DNAH1: variants seen among roughly 807,000 people sequenced by gnomAD.
The protein encoded by DNAH1 is axonemal beta dynein heavy chain 1.
DNAH1 carries 327 observed loss-of-function variants against 484.3 expected under a neutral mutation model. That is an observed-to-expected ratio of 0.68 (90% CI 0.62 to 0.74). The LOEUF is 0.74. DNAH1 is among the 30% of genes least tolerant of loss of function. DNAH1 has a pLI of 0.00. For missense variants in DNAH1, 5,052 were observed against 5,546.8 expected (o/e 0.91, Z 2.83); for synonymous variants, 2,192 against 2,191.9 (o/e 1.00, Z 0.00).
rs970092186 is a variant in DNAH1, at chr3:52,355,384, C to G, written c.3693+329C>G. 2.6e-5 allele frequency among the ~76,000 whole-genome samples: 4 copies of G among 152,246 alleles called. No individual in the cohort carries two copies. The highest frequency in any genetic ancestry group is 6.5e-5 in the Admixed American group (1 of 15,284). ...TGCCTGAGCTTGGGACAACCAGGTC[C>G]TCCAGTACTGACACTTTCTGGGCCG... On this transcript the variant is annotated intron_variant, in intron 21 of 77. Transcript: ENST00000420323. The surrounding 1 kb of genome is among the most constrained non-coding windows in gnomAD (Gnocchi z 4.5).
At chr3:52,318,667 A>G (rs953136904) in intron 1 of DNAH1, among the ~76,000 whole-genome samples, 1 of 152,230 alleles carries the variant, frequency 6.6e-6, no homozygotes, top group South Asian at 2.1e-4. Flanking sequence ...GCTGACAGGA[A>G]AAACAGATGT....
At chr3:52,351,889 CCCCTG>C in intron 16 of DNAH1, 68 bp from the exon 17 acceptor site, 1 of 1,531,828 alleles carries the variant, frequency 6.5e-7, no homozygotes, top group Non-Finnish European at 8.8e-7. Context: ...TGGTGGGATG[CCCCTG>C]CCTGGTCTTG....
intron 16 of DNAH1, 37 bp from the exon 17 acceptor site, chr3:52,351,925 C>T (rs557032406): frequency 4.4e-5 from 69 of 1,585,542 alleles, no homozygotes; most frequent in African/African-American, 5.4e-5. Context: ...ACTTCAGCCG[C>T]GATATTTCTC....
chr3:52,319,620 G>C (rs1226120424), intron 1 of DNAH1, among the ~76,000 whole-genome samples: 2 of 152,228 alleles, frequency 1.3e-5, no homozygotes, highest in Non-Finnish European at 2.9e-5. Context: ...CAGAAGCCTT[G>C]CTGGGAGCCA....
rs1438512289 is a variant in DNAH1 at position 52,361,256 on chromosome 3, A to G, written c.4778A>G (p.Asp1593Gly). The G allele has an allele frequency of 1.2e-6, 2 of 1,612,864 alleles. No individual in the cohort carries two copies. Among genetic ancestry groups the G allele is most frequent in the African/African-American group, 2.7e-5 (2 of 74,880 alleles). ...AGTGKTETTK[D>G]LGKALAIQTV... ...ACAGGCAAAACTGAGACCACCAAAG[A>G]CCTGGGTAAGGCCTTGGCCATACAG... is the stretch of plus-strand genomic sequence containing the variant. Residue 1593 changes from aspartate (D) to glycine (G), a missense_variant, in exon 29 of 78, where the codon GAC becomes GGC. Coordinates refer to ENST00000420323, the MANE Select transcript of DNAH1 (RefSeq NM_015512.5). This position sits in a 1 kb window ranked among gnomAD's most constrained non-coding sequence, Gnocchi z 5.6.
rs529367540 is a variant in DNAH1, at chr3:52,353,424, T to C, written c.3271T>C (p.Phe1091Leu). The change falls in exon 20 of 78, where the codon TTC (phenylalanine) becomes CTC (leucine). Residue 1091 changes from phenylalanine to leucine, a missense_variant. Coordinates refer to ENST00000420323, the MANE Select transcript of DNAH1 (RefSeq NM_015512.5). The surrounding 1 kb of genome is among the most constrained non-coding windows in gnomAD (Gnocchi z 5.0). Reference sequence around the variant, plus strand: ...GGACATCCGGGCCCGCATCGAGGAGTTCAAACCATACATCCCACTGATCCA... The same window carrying C: ...GGACATCCGGGCCCGCATCGAGGAGCTCAAACCATACATCCCACTGATCCA... ...ALDIRARIEE[F>L]KPYIPLIQGL... is the part of the protein sequence containing the mutation. The C allele has an allele frequency of 4.3e-6, 7 of 1,612,714 alleles. No homozygotes were observed. The African/African-American group carries it at 8.0e-5, about 19-fold the overall frequency.
chr3:52,334,134 G>T (rs1244956847), intron 8 of DNAH1, among the ~76,000 whole-genome samples: 1 of 152,176 alleles, frequency 6.6e-6, no homozygotes, highest in African/African-American at 2.4e-5. Context: ...ATAGCTGGCT[G>T]CACACCCAGG....
intron 77 of DNAH1, among the ~76,000 whole-genome samples, 167 bp from the exon 78 acceptor site, chr3:52,400,158 T>C (rs930565754): frequency 6.6e-6 from 1 of 152,206 alleles, no homozygotes; most frequent in Non-Finnish European, 1.5e-5. Context: ...ACAGTAACCC[T>C]GGGCAGGCTT....
intron 8 of DNAH1, 63 bp from the exon 9 acceptor site, chr3:52,344,427 C>T: frequency 6.4e-7 from 1 of 1,573,214 alleles, no homozygotes; most frequent in Non-Finnish European, 8.7e-7. Context: ...AGAGCTTGGG[C>T]CCCGGCTGGG....
Position 52,381,848 on chromosome 3 carries a change from C to T in DNAH1, c.7805+12C>T, listed in dbSNP as rs983790483. ...CTCGCCTCGCACATGTGAGCGCCTCCAGGGCGTGCTGGGCAGTGGGCGGCC... is the reference window on the plus strand; with the variant it reads ...CTCGCCTCGCACATGTGAGCGCCTCTAGGGCGTGCTGGGCAGTGGGCGGCC... On this transcript the variant is annotated intron_variant, in intron 49 of 77. Transcript: ENST00000420323. This position sits in a 1 kb window ranked among gnomAD's most constrained non-coding sequence, Gnocchi z 4.1. 37 of 1,566,658 alleles carry T rather than the reference C, an allele frequency of 2.4e-5. No individual in the cohort carries two copies. The highest frequency in any genetic ancestry group is 7.4e-5 in the Admixed American group (4 of 54,166).
In DNAH1 at chr3:52,400,353, CAACT is replaced by C; in HGVS notation, c.12707_12710del (p.Asn4236MetfsTer17). The C allele has an allele frequency of 6.2e-7, 1 of 1,614,010 alleles. No homozygotes were observed. The highest frequency in any genetic ancestry group is 8.5e-7 in the Non-Finnish European group (1 of 1,179,888). Reference sequence around the variant, plus strand: ...CACTATCAACCACAGGACACTCTACCAACTATGTCATTGCTGTGGAGATCCCCAC... The same window carrying C: ...CACTATCAACCACAGGACACTCTACCATGTCATTGCTGTGGAGATCCCCAC... On this transcript the variant is annotated frameshift_variant, in exon 78 of 78. Transcript: ENST00000420323. LOFTEE classifies it high-confidence loss of function.
chr3:52,399,387 G>A (rs1334766966), intron 76 of DNAH1, among the ~76,000 whole-genome samples, 158 bp from the exon 77 acceptor site: 1 of 152,190 alleles, frequency 6.6e-6, no homozygotes, highest in Admixed American at 6.5e-5. Flanking sequence ...ATCCACAGGG[G>A]CAGGGCACAG....
In DNAH1 at chr3:52,381,851, G is replaced by T; in HGVS notation, c.7805+15G>T. 5 of 1,559,180 alleles carry T rather than the reference G, an allele frequency of 3.2e-6. No homozygotes were observed. Among genetic ancestry groups the T allele is most frequent in the Non-Finnish European group, 4.3e-6 (5 of 1,150,850 alleles). ...GCCTCGCACATGTGAGCGCCTCCAG[G>T]GCGTGCTGGGCAGTGGGCGGCCAGG... On this transcript the variant is annotated intron_variant, in intron 49 of 77. Coordinates refer to ENST00000420323, the MANE Select transcript of DNAH1 (RefSeq NM_015512.5). This position sits in a 1 kb window ranked among gnomAD's most constrained non-coding sequence, Gnocchi z 4.1.
Position 52,375,382 on chromosome 3 carries a change from C to T in DNAH1, c.7128C>T (p.Arg2376=). 1 of 1,613,690 alleles carries T rather than the reference C, an allele frequency of 6.2e-7. No individual in the cohort carries two copies. The highest frequency in any genetic ancestry group is 8.5e-7 in the Non-Finnish European group (1 of 1,179,782). The change falls in exon 45 of 78, where the codon CGC becomes CGT. Residue 2376 remains arginine (R), a synonymous_variant. Coordinates refer to ENST00000420323, the MANE Select transcript of DNAH1 (RefSeq NM_015512.5). ...AGATGGACGAGGTCAGCAAGAAACG[C>T]ATCTTCTCCACCATCCTGGGCAACT... ...FAEMDEVSKK[R]IFSTILGNWL...
In DNAH1 at chr3:52,355,849, G is replaced by C. The variant is rs772901305; in HGVS notation, c.3694-765G>C. ...ACTCTCCCTCACCATCCTTCAAGGGGTTCCCACCGAGGCCATTGTCGGTGC... is the reference window on the plus strand; with the variant it reads ...ACTCTCCCTCACCATCCTTCAAGGGCTTCCCACCGAGGCCATTGTCGGTGC... On this transcript the variant is annotated intron_variant, in intron 21 of 77. Coordinates refer to ENST00000420323, the MANE Select transcript of DNAH1 (RefSeq NM_015512.5). This position sits in a 1 kb window ranked among gnomAD's most constrained non-coding sequence, Gnocchi z 4.5. Among the ~76,000 whole-genome samples the C allele has an allele frequency of 6.6e-6, 1 of 152,254 alleles. No individual in the cohort carries two copies. Among genetic ancestry groups the C allele is most frequent in the Non-Finnish European group, 1.5e-5 (1 of 68,054 alleles).
intron 9 of DNAH1, among the ~76,000 whole-genome samples, chr3:52,344,928 G>A (rs1443659236): frequency 6.6e-6 from 1 of 152,242 alleles, no homozygotes; most frequent in Non-Finnish European, 1.5e-5. Flanking sequence ...GCAGTAGGTG[G>A]AAGGGGCTCT....
chr3:52,375,683 T>C (rs1048049837), intron 45 of DNAH1, among the ~76,000 whole-genome samples: 1 of 152,202 alleles, frequency 6.6e-6, no homozygotes, highest in Non-Finnish European at 1.5e-5. Flanking sequence ...ACGTGGTGAT[T>C]GCTGGATGTA....
At position 52,386,297 on chromosome 3, in the gene DNAH1, T is replaced by A. The variant is rs746235998; in HGVS notation, c.8763T>A (p.Asp2921Glu). The A allele has an allele frequency of 6.2e-7, 1 of 1,603,810 alleles. No homozygotes were observed. Among genetic ancestry groups the A allele is most frequent in the Non-Finnish European group, 8.5e-7 (1 of 1,175,440 alleles). Residue 2921 changes from aspartate to glutamate, a missense_variant, in exon 55 of 78, where the codon GAT (aspartate) becomes GAA (glutamate). Around this residue, in one of 4 missense-constraint regions of DNAH1, gnomAD observed 2,929 missense variants for 3,409.4 expected, o/e 0.86. Transcript: ENST00000420323. ...TGGACGAGGCGTTGCCAGCCCTGGATGCGGCTCTGGCCAGCCTGCGCAACC... is the reference window on the plus strand; with the variant it reads ...TGGACGAGGCGTTGCCAGCCCTGGAAGCGGCTCTGGCCAGCCTGCGCAACC... ...KDLDEALPAL[D>E]AALASLRNLN... is the part of the protein sequence containing the mutation.
At position 52,378,750 on chromosome 3, in the gene DNAH1, C is replaced by T; in HGVS notation, c.7347C>T (p.Gly2449=). ...GGGACCTCTCCAAGGTCTTCCAAGGCATGCTCATGGCTGACCCGGCCAAGG... is the reference window on the plus strand; with the variant it reads ...GGGACCTCTCCAAGGTCTTCCAAGGTATGCTCATGGCTGACCCGGCCAAGG... ...NLRDLSKVFQ[G]MLMADPAKVE... The change falls in exon 47 of 78, where the codon GGC becomes GGT. Residue 2449 remains glycine, a synonymous_variant. Coordinates refer to ENST00000420323, the MANE Select transcript of DNAH1 (RefSeq NM_015512.5). 1 of 1,613,798 alleles carries T rather than the reference C, an allele frequency of 6.2e-7. No homozygotes were observed. Among genetic ancestry groups the T allele is most frequent in the Non-Finnish European group, 8.5e-7 (1 of 1,179,880 alleles).
Sources: gnomAD v4.1 joint callset for allele counts (sites outside exome capture counted in the v4.1 genomes callset) on GRCh38, gnomAD v4.1.1 for gene constraint, gnomAD v4.1.1 regional missense constraint, Gnocchi (gnomAD v3.1) non-coding constraint, MANE v1.5 for transcripts, NCBI Gene and HGNC (gene_info 2026-07-23, HGNC 2026-07-21) for gene names.